TSGA13: variants seen among roughly 807,000 people sequenced by gnomAD.
TSGA13 encodes testis-specific gene 13 protein.
A neutral mutation model predicts 35.1 loss-of-function variants in TSGA13; 37 were observed. The ratio of observed to expected loss-of-function variants is 1.05; its 90% CI spans 0.81 to 1.39. TSGA13 has a LOEUF of 1.39. Ranked by LOEUF, TSGA13 falls within the 40% of genes most tolerant of loss-of-function variation. The pLI, the probability that TSGA13 is intolerant of heterozygous loss-of-function variation, is 0.00. For synonymous variants in TSGA13, 124 were observed against 121.2 expected (o/e 1.02, Z -0.15); for missense variants, 338 against 328.5 (o/e 1.03, Z -0.22).
intron 3 of TSGA13, 57 bp downstream of exon 3, chr7:130,683,537 T>C: frequency 1.3e-6 from 2 of 1,490,814 alleles, no homozygotes; most frequent in Non-Finnish European, 1.8e-6. Context: ...GCTTATTAAG[T>C]ACACTAAGCA....
intron 5 of TSGA13, among the ~76,000 whole-genome samples, chr7:130,678,045 A>G (rs2116316250): frequency 6.6e-6 from 1 of 152,236 alleles, no homozygotes; most frequent in East Asian, 1.9e-4. Flanking sequence ...GTTGAATGGA[A>G]TTTGAATTTC....
At chr7:130,684,935 C>T (rs1243221604) in intron 2 of TSGA13, among the ~76,000 whole-genome samples, 2 of 152,186 alleles carry the variant, frequency 1.3e-5, no homozygotes, top group Non-Finnish European at 2.9e-5. Flanking sequence ...CAATTTAAGG[C>T]ATAGAACTAT....
chr7:130,669,725 C>CTCTTACATATTCT (rs1397370576), intron 7 of TSGA13, among the ~76,000 whole-genome samples: 3 of 152,206 alleles, frequency 2.0e-5, no homozygotes, highest in Admixed American at 1.3e-4. Context: ...TTAAGATGAA[C>CTCTTACATATTCT]TGTTGATATC....
chr7:130,684,875 C>T (rs912225195), intron 2 of TSGA13, among the ~76,000 whole-genome samples: 22 of 152,252 alleles, frequency 1.4e-4, no homozygotes, highest in African/African-American at 5.1e-4. Context: ...CAAAATGATT[C>T]TTTGATACCT....
rs1182413999 is a variant in TSGA13, at chr7:130,668,645, C to T, written c.*369G>A. On this transcript the variant is annotated 3_prime_UTR_variant, in exon 8 of 8. Coordinates refer to ENST00000356588, the MANE Select transcript of TSGA13 (RefSeq NM_052933.4). ...CCCCGCGCGTACCAGACTCCTCGTC[C>T]TTCTTGTCGAATTTTTTAATCATCT... 1 of 1,542,656 alleles carries T rather than the reference C, an allele frequency of 6.5e-7. No individual in the cohort carries two copies. Among genetic ancestry groups the T allele is most frequent in the South Asian group, 1.2e-5 (1 of 82,384 alleles).
Position 130,679,081 on chromosome 7 carries a change from G to C in TSGA13, c.387+74C>G. ...TTCTGAGTACTATTCTCCATGTTAA[G>C]TTAACTTCCTTCTCAATGCTAACTC... On this transcript the variant is annotated intron_variant, in intron 5 of 7. Coordinates refer to ENST00000356588, the MANE Select transcript of TSGA13 (RefSeq NM_052933.4). The C allele has an allele frequency of 8.9e-6, 11 of 1,241,546 alleles. No individual in the cohort carries two copies. The South Asian group carries it at 1.3e-4, about 15-fold the overall frequency. The allele number at this position is 1,241,546 out of a possible 1,614,324, so 76.9% of individuals were successfully genotyped here.
chr7:130,672,280 C>T (rs1411484848), intron 6 of TSGA13, among the ~76,000 whole-genome samples: 2 of 152,256 alleles, frequency 1.3e-5, no homozygotes, highest in South Asian at 2.1e-4. Context: ...AATATTGTTC[C>T]GTGACAAGGG....
intron 3 of TSGA13, among the ~76,000 whole-genome samples, chr7:130,681,938 TTTTTTTC>T (rs1260551221): frequency 6.6e-6 from 1 of 152,002 alleles, no homozygotes; most frequent in African/African-American, 2.4e-5. Flanking sequence ...TTTTCTTTTC[TTTTTTTC>T]TTTTTTCTTT....
At chr7:130,678,149 C>T (rs1335739810) in intron 5 of TSGA13, among the ~76,000 whole-genome samples, 1 of 152,086 alleles carries the variant, frequency 6.6e-6, no homozygotes, top group Non-Finnish European at 1.5e-5. Flanking sequence ...GAGGCCAAGG[C>T]GGGTGGATCA....
rs782491238 is a variant in TSGA13, at chr7:130,671,805, C to A, written c.531-17G>T. ...GTGGAAAACCTTAACAAAGAAAGTTCTTTGTTTAGTAGATCCTAGGGCAGG... is the reference window on the plus strand; with the variant it reads ...GTGGAAAACCTTAACAAAGAAAGTTATTTGTTTAGTAGATCCTAGGGCAGG... On this transcript the variant is annotated splice_polypyrimidine_tract_variant and intron_variant, in intron 6 of 7. Transcript: ENST00000356588. 16 of 1,564,808 alleles carry A rather than the reference C, an allele frequency of 1.0e-5. No individual in the cohort carries two copies. The highest frequency in any genetic ancestry group is 1.9e-4 in the Middle Eastern group (1 of 5,198).
intron 3 of TSGA13, 60 bp downstream of exon 3, chr7:130,683,533 TA>T (rs1443335713): frequency 6.7e-7 from 1 of 1,495,804 alleles, no homozygotes; most frequent in East Asian, 2.3e-5. Context: ...TCCAGCTTAT[TA>T]AGTACACTAA....
chr7:130,672,032 A>C (rs375685114), intron 6 of TSGA13, among the ~76,000 whole-genome samples: 3 of 152,092 alleles, frequency 2.0e-5, no homozygotes. Flanking sequence ...CTGGGATTAC[A>C]GGCACTTGCC....
chr7:130,682,043 G>A (rs1554465164), intron 3 of TSGA13, among the ~76,000 whole-genome samples: 2 of 151,938 alleles, frequency 1.3e-5, no homozygotes, highest in Non-Finnish European at 2.9e-5. Context: ...GGGCTCAAGT[G>A]ATCTTCCCTC....
chr7:130,672,465 C>CTT (rs35118750), intron 6 of TSGA13, among the ~76,000 whole-genome samples: 4 of 148,380 alleles, frequency 2.7e-5, no homozygotes, highest in African/African-American at 2.5e-5. Flanking sequence ...ATTGAGGGTA[C>CTT]TTTTTTTTTT....
intron 6 of TSGA13, 65 bp from the exon 7 acceptor site, chr7:130,671,853 T>C (rs1554463108): frequency 8.4e-6 from 1 of 119,048 alleles, no homozygotes; most frequent in Non-Finnish European, 1.2e-5. Flanking sequence ...ACTATTCACT[T>C]TATTTTATTT....
chr7:130,675,912 G>T (rs1345696542), intron 5 of TSGA13, among the ~76,000 whole-genome samples: 2 of 152,174 alleles, frequency 1.3e-5, no homozygotes, highest in Non-Finnish European at 2.9e-5. Context: ...ATTTTGCTTT[G>T]TTGGGTCTGA....
chr7:130,671,582 C>T, intron 7 of TSGA13, 79 bp downstream of exon 7: 2 of 1,378,826 alleles, frequency 1.5e-6, no homozygotes, highest in South Asian at 1.8e-5. Flanking sequence ...CAGTTTGCCA[C>T]ATCTATAATC....
Position 130,683,612 on chromosome 7 carries a change from C to T in TSGA13, c.84G>A (p.Met28Ile), listed in dbSNP as rs144059379. 2.5e-6 allele frequency: 4 copies of T among 1,613,676 alleles called. No individual in the cohort carries two copies. The highest frequency in any genetic ancestry group is 3.4e-6 in the Non-Finnish European group (4 of 1,179,814). Residue 28 changes from methionine to isoleucine, a missense_variant, in exon 3 of 8, where the codon ATG (methionine) becomes ATA (isoleucine). Transcript: ENST00000356588. Reference protein sequence around the residue: ...ENSSAKREKGMVVNSKEISDA... With the variant: ...ENSSAKREKGIVVNSKEISDA... ...TCCTTACCTCTTTGCTATTGACAAC[C>T]ATTCCTTTCTCACGTTTAGCTGAGC...
intron 2 of TSGA13, 63 bp downstream of exon 2, chr7:130,685,125 G>A: frequency 6.6e-7 from 1 of 1,504,592 alleles, no homozygotes; most frequent in Non-Finnish European, 9.2e-7. Context: ...CGTGCTGTGG[G>A]CTATGCAATA....
Sources: allele counts gnomAD v4.1 joint callset (sites outside exome capture counted in the v4.1 genomes callset), GRCh38; gene constraint gnomAD v4.1.1; transcripts MANE v1.5; gene names NCBI Gene and HGNC (gene_info 2026-07-23, HGNC 2026-07-21).